DPY19L3: variants seen among roughly 807,000 people sequenced by gnomAD.
DPY19L3 encodes the protein dpy-19 like C-mannosyltransferase 3, also known as protein C-mannosyl-transferase DPY19L3.
Under a neutral mutation model 92.3 loss-of-function variants are expected in DPY19L3, and 51 were observed. That is an observed-to-expected ratio of 0.55 (90% CI 0.44 to 0.70). The LOEUF is 0.70. DPY19L3 is among the 30% of genes least tolerant of loss of function. The pLI, the probability that DPY19L3 is intolerant of heterozygous loss-of-function variation, is 0.00. For synonymous variants in DPY19L3, 309 were observed against 315.2 expected, an observed-to-expected ratio of 0.98 and a Z score of 0.21; for missense variants, 706 against 855.9, an observed-to-expected ratio of 0.82 and a Z score of 2.18.
chr19:32,447,720 CATAG>C (rs56116714), intron 8 of DPY19L3, among the ~76,000 whole-genome samples: 30,508 of 131,346 alleles, frequency 0.23, 3,442 homozygotes, highest in Non-Finnish European at 0.25. Context: ...CCGTCTCATT[CATAG>C]ATAGATAGAT....
chr19:32,470,995 A>G (rs1970342791), intron 16 of DPY19L3, among the ~76,000 whole-genome samples: 2 of 152,120 alleles, frequency 1.3e-5, no homozygotes, highest in Non-Finnish European at 2.9e-5. Flanking sequence ...TAGACATCAA[A>G]TATGTTTGTT....
At chr19:32,453,777 A>T (rs1445982282) in intron 9 of DPY19L3, among the ~76,000 whole-genome samples, 2 of 152,190 alleles carry the variant, frequency 1.3e-5, no homozygotes, top group African/African-American at 4.8e-5. Flanking sequence ...TTGAGAATCC[A>T]AATAAATAAC....
chr19:32,410,021 A>G (rs1161542510), intron 2 of DPY19L3, among the ~76,000 whole-genome samples: 1 of 152,192 alleles, frequency 6.6e-6, no homozygotes, highest in African/African-American at 2.4e-5. Flanking sequence ...GCCATGTTGC[A>G]TTCCAGAGAG....
rs1166087826 is a variant in DPY19L3 at position 32,485,173 on chromosome 19, CTACT to C, written c.*2939_*2942del. 3.3e-5 allele frequency: 5 copies of C among 152,152 alleles called. No homozygotes were observed. Among genetic ancestry groups the C allele is most frequent in the South Asian group, 2.1e-4 (1 of 4,826 alleles). The allele number at this position is 152,152 out of a possible 1,614,324, so 9.4% of individuals were successfully genotyped here. On this transcript the variant is annotated 3_prime_UTR_variant, in exon 19 of 19. Transcript: ENST00000392250. ...TTAGGTTATGATTCCCTACTTTAAC[CTACT>C]TACTTTATTAAATGACCAACTACTG...
intron 16 of DPY19L3, 42 bp downstream of exon 16, chr19:32,468,855 T>G: frequency 1.2e-6 from 2 of 1,602,172 alleles, no homozygotes; most frequent in Non-Finnish European, 1.7e-6. Flanking sequence ...TAAGTGCCTT[T>G]TAAGAGTCAC....
At chr19:32,469,029 T>C in intron 16 of DPY19L3, 1 of 337,534 alleles carries the variant, frequency 3.0e-6, no homozygotes, top group Non-Finnish European at 5.1e-6. Flanking sequence ...GAAAGGAAAA[T>C]ACCCATTTGG....
At chr19:32,452,092 T>C (rs1969719112) in intron 8 of DPY19L3, among the ~76,000 whole-genome samples, 1 of 152,176 alleles carries the variant, frequency 6.6e-6, no homozygotes, top group Non-Finnish European at 1.5e-5. Flanking sequence ...TCCCAAGATG[T>C]TGGGATTACA....
chr19:32,473,937 G>A (rs1210098231), intron 16 of DPY19L3, among the ~76,000 whole-genome samples: 3 of 152,110 alleles, frequency 2.0e-5, no homozygotes, highest in Non-Finnish European at 4.4e-5. Context: ...CCAGGTAGTG[G>A]GACTACAGGC....
chr19:32,458,590 A>C (rs1430672074), intron 12 of DPY19L3, 81 bp downstream of exon 12: 4 of 1,385,884 alleles, frequency 2.9e-6, no homozygotes, highest in African/African-American at 3.0e-5. Context: ...GTTGAAAGTC[A>C]GAATATCAGA....
intron 3 of DPY19L3, among the ~76,000 whole-genome samples, chr19:32,431,641 A>G (rs1438586277): frequency 6.6e-6 from 1 of 152,190 alleles, no homozygotes; most frequent in East Asian, 1.9e-4. Context: ...AGGTGTAAAG[A>G]TGAAATTCAT....
chr19:32,461,394 G>A (rs1970035819), intron 12 of DPY19L3, among the ~76,000 whole-genome samples: 1 of 152,250 alleles, frequency 6.6e-6, no homozygotes, highest in Non-Finnish European at 1.5e-5. Flanking sequence ...CTTCCAGCTT[G>A]GCTGGGCTAT....
In DPY19L3 at chr19:32,411,357, G is replaced by A; in HGVS notation, c.222G>A (p.Trp74Ter). 1 of 1,614,000 alleles carries A rather than the reference G, an allele frequency of 6.2e-7. No individual in the cohort carries two copies. Among genetic ancestry groups the A allele is most frequent in the Non-Finnish European group, 8.5e-7 (1 of 1,179,974 alleles). Residue 74 changes from tryptophan to a stop codon, truncating the protein, a stop_gained, in exon 3 of 19, where the codon TGG becomes TGA. Coordinates refer to ENST00000392250, the MANE Select transcript of DPY19L3 (RefSeq NM_001172774.2). LOFTEE classifies it high-confidence loss of function. Reference sequence around the variant, plus strand: ...CCACGTTACATGAAAATGATTTATGGTTTTCTAATATTAAGGTATGGAGTT... The same window carrying A: ...CCACGTTACATGAAAATGATTTATGATTTTCTAATATTAAGGTATGGAGTT... ...YLATLHENDLWFSNIKEVERE... is the reference protein window; with the variant it reads ...YLATLHENDL
Position 32,457,289 on chromosome 19 carries a change from C to CT in DPY19L3, c.1090-810dup, listed in dbSNP as rs781441102. Among the ~76,000 whole-genome samples, 6 of 152,290 alleles carry CT rather than the reference C, an allele frequency of 3.9e-5. No individual in the cohort carries two copies. The East Asian group carries it at 5.8e-4, about 15-fold the overall frequency. ...CCCATGGGAAAAAATTATTTTGAGT[C>CT]TCAGTTCTAGGACTGTTAAGATCTC... is the stretch of plus-strand genomic sequence containing the variant. On this transcript the variant is annotated intron_variant, in intron 10 of 18. Transcript: ENST00000392250.
intron 8 of DPY19L3, among the ~76,000 whole-genome samples, chr19:32,447,770 T>TAGAC (rs771732071): frequency 3.5e-5 from 5 of 143,450 alleles, no homozygotes; most frequent in African/African-American, 1.0e-4. Context: ...GATAGATAGA[T>TAGAC]AGATAGATTA....
At chr19:32,414,250 C>G (rs1968300517) in intron 3 of DPY19L3, among the ~76,000 whole-genome samples, 1 of 152,000 alleles carries the variant, frequency 6.6e-6, no homozygotes, top group Admixed American at 6.6e-5. Context: ...GAAATCCCGT[C>G]TGTACTAAAA....
rs140294150 is a variant in DPY19L3, at chr19:32,439,451, A to G, written c.720+216A>G. 2.0e-5 allele frequency among the ~76,000 whole-genome samples: 3 copies of G among 152,328 alleles called. No homozygotes were observed. In the East Asian group the frequency reaches 5.8e-4, roughly 29 times the overall value. On this transcript the variant is annotated intron_variant, in intron 7 of 18. Transcript: ENST00000392250. Reference sequence around the variant, plus strand: ...TTGATGTTAAAAATGTACTCTACATAATCTACCCTTAAATAGTTGCAGCAA... The same window carrying G: ...TTGATGTTAAAAATGTACTCTACATGATCTACCCTTAAATAGTTGCAGCAA...
intron 17 of DPY19L3, 104 bp from the exon 18 acceptor site, chr19:32,480,295 G>A (rs1970633127): frequency 8.5e-6 from 11 of 1,298,000 alleles, no homozygotes; most frequent in Non-Finnish European, 1.2e-5. Flanking sequence ...GAGCACCTTG[G>A]GTGTTAGGTC....
intron 16 of DPY19L3, among the ~76,000 whole-genome samples, chr19:32,475,674 C>T (rs973009268): frequency 6.6e-6 from 1 of 152,220 alleles, no homozygotes; most frequent in Non-Finnish European, 1.5e-5. Flanking sequence ...TTGAATTAAA[C>T]TGAATTTCAG....
rs752702690 is a variant in DPY19L3, at chr19:32,480,477, C to T, written c.1909C>T (p.Leu637=). Residue 637 remains leucine, a synonymous_variant, in exon 18 of 19, where the codon CTG becomes TTG. Transcript: ENST00000392250. The part of the protein sequence containing the change: ...LRSFGTDYVI[L]EDSICYERRH... ...GTCCTTCGGCACTGACTACGTAATC[C>T]TGGAAGACAGCATCTGCTACGAGCG... 8 of 1,614,224 alleles carry T rather than the reference C, an allele frequency of 5.0e-6. No homozygotes were observed. Among genetic ancestry groups the T allele is most frequent in the Non-Finnish European group, 6.8e-6 (8 of 1,180,040 alleles).
Sources: gnomAD v4.1 joint callset for allele counts (sites outside exome capture counted in the v4.1 genomes callset) on GRCh38, gnomAD v4.1.1 for gene constraint, MANE v1.5 for transcripts, NCBI Gene and HGNC (gene_info 2026-07-23, HGNC 2026-07-21) for gene names.